ZCCHC14: variants seen among roughly 807,000 people sequenced by gnomAD.
ZCCHC14 encodes the protein zinc finger CCHC domain-containing protein 14.
ZCCHC14 carries 16 observed loss-of-function variants against 85.0 expected under a neutral mutation model. That is an observed-to-expected ratio of 0.19 (90% CI 0.13 to 0.29). The LOEUF (loss-of-function observed/expected upper bound fraction) is 0.29. Ranked by LOEUF, ZCCHC14 falls within the 10% of genes least tolerant of loss-of-function variation. The probability of loss-of-function intolerance (pLI) is 1.00; values close to 1 mark genes in which losing one functional copy is unlikely to be tolerated. For missense variants in ZCCHC14, 1,303 were observed against 1,443.5 expected (o/e 0.90, Z 1.58); for synonymous variants, 775 against 630.7 (o/e 1.23, Z -3.43).
chr16:87,450,032 G>A (rs1189214081), intron 2 of ZCCHC14, among the ~76,000 whole-genome samples: 1 of 152,216 alleles, frequency 6.6e-6, no homozygotes, highest in Non-Finnish European at 1.5e-5. Flanking sequence ...GGGCAACAGA[G>A]TAAGACCCTG....
intron 1 of ZCCHC14, among the ~76,000 whole-genome samples, chr16:87,480,616 G>A (rs191865032): frequency 2.6e-5 from 4 of 152,264 alleles, no homozygotes; most frequent in South Asian, 2.1e-4. Context: ...GTACTACGGC[G>A]GCTTTTCATC....
intron 3 of ZCCHC14, among the ~76,000 whole-genome samples, chr16:87,425,479 G>C (rs1909321414): frequency 6.6e-6 from 1 of 152,106 alleles, no homozygotes; most frequent in Admixed American, 6.5e-5. Flanking sequence ...GGGAGACTGA[G>C]GTGGGAGAAC....
At chr16:87,456,974 G>A (rs948237576) in intron 2 of ZCCHC14, among the ~76,000 whole-genome samples, 5 of 152,248 alleles carry the variant, frequency 3.3e-5, no homozygotes, top group South Asian at 4.1e-4. Flanking sequence ...TTTGTTGAGA[G>A]TATTAGTAAA....
At chr16:87,487,232 C>T (rs1016240089) in intron 1 of ZCCHC14, among the ~76,000 whole-genome samples, 2 of 152,142 alleles carry the variant, frequency 1.3e-5, no homozygotes, top group Non-Finnish European at 2.9e-5. Flanking sequence ...ACAGAACCTA[C>T]CCCTAAAGAA....
At position 87,406,763 on chromosome 16, in the gene ZCCHC14, T is replaced by C. The variant is rs923148155; in HGVS notation, c.*3517A>G. On this transcript the variant is annotated 3_prime_UTR_variant, in exon 13 of 13. Coordinates refer to ENST00000671377, the MANE Select transcript of ZCCHC14 (RefSeq NM_015144.3). The stretch of plus-strand genomic sequence containing the variant: ...GAATATTGCGAGTGTTGAGTGTTGA[T>C]TAAAGATGCTTTCATTCAGACCCTT... The C allele has an allele frequency of 2.0e-5, 3 of 152,222 alleles. No homozygotes were observed. Among genetic ancestry groups the C allele is most frequent in the African/African-American group, 7.2e-5 (3 of 41,456 alleles). The allele number at this position is 152,222 out of a possible 1,614,324, so 9.4% of individuals were successfully genotyped here. A position where few individuals can be genotyped will look rare whatever the true frequency, so the allele number is the denominator to read the frequency against.
chr16:87,468,675 A>G (rs1311209982), intron 1 of ZCCHC14, among the ~76,000 whole-genome samples: 2 of 152,188 alleles, frequency 1.3e-5, no homozygotes, highest in South Asian at 2.1e-4. Context: ...GTGGTTCTCA[A>G]CTGGGGGAAA....
At chr16:87,450,949 A>T (rs1910670089) in intron 2 of ZCCHC14, among the ~76,000 whole-genome samples, 1 of 152,028 alleles carries the variant, frequency 6.6e-6, no homozygotes. Context: ...CCCAAGCTGG[A>T]GCGTAATGGC....
At chr16:87,423,769 G>A in intron 4 of ZCCHC14, 41 bp downstream of exon 4, 1 of 1,603,006 alleles carries the variant, frequency 6.2e-7, no homozygotes, top group Non-Finnish European at 8.5e-7. Context: ...ACTGGGGAAT[G>A]TGATTCTTTT....
Position 87,406,405 on chromosome 16 carries a change from TTAAA to T in ZCCHC14, c.*3871_*3874del, listed in dbSNP as rs1349862834. 4 of 152,644 alleles carry T rather than the reference TTAAA, an allele frequency of 2.6e-5. No homozygotes were observed. The highest frequency in any genetic ancestry group is 2.1e-4 in the South Asian group (1 of 4,834). 9.5% of individuals were successfully genotyped at this position (152,644 alleles called of 1,614,324 possible). ...AATTCAAAATCAAATTAGCGGAATA[TTAAA>T]TATTTACAAAACTATATCTTTTAAA... On this transcript the variant is annotated 3_prime_UTR_variant, in exon 13 of 13. Transcript: ENST00000671377.
chr16:87,469,626 G>C (rs571929064), intron 1 of ZCCHC14, among the ~76,000 whole-genome samples: 2 of 152,340 alleles, frequency 1.3e-5, no homozygotes, highest in East Asian at 3.9e-4. Context: ...AAAAATGTTA[G>C]CATTCAAAAT....
rs1377901570 is a variant in ZCCHC14 at position 87,491,363 on chromosome 16, AG to A, written c.570+305del. 6.6e-6 allele frequency among the ~76,000 whole-genome samples: 1 copy of A among 151,864 alleles called. No homozygotes were observed. Among genetic ancestry groups the A allele is most frequent in the Non-Finnish European group, 1.5e-5 (1 of 67,954 alleles). ...GGGCTTAAAGTGCAGACTTAGGGTGAGGAGTGCGGGCTTAGGATGGGGGCTT... is the reference window on the plus strand; with the variant it reads ...GGGCTTAAAGTGCAGACTTAGGGTGAGAGTGCGGGCTTAGGATGGGGGCTT... On this transcript the variant is annotated intron_variant, in intron 1 of 12. Transcript: ENST00000671377. This position sits in a 1 kb window ranked among gnomAD's most constrained non-coding sequence, Gnocchi z 5.9.
chr16:87,413,148 C>T lies in ZCCHC14; in HGVS notation c.1651G>A (p.Gly551Ser), dbSNP rs1908571087. Residue 551 changes from glycine to serine, a missense_variant, in exon 11 of 13, where the codon GGC (glycine) becomes AGC (serine). Coordinates refer to ENST00000671377, the MANE Select transcript of ZCCHC14 (RefSeq NM_015144.3). Reference sequence around the variant, plus strand: ...GAGCTGGAGTACTCCGAGGAACTGCCTTCCCGGGGCAGCTGGTGATGGGGC... The same window carrying T: ...GAGCTGGAGTACTCCGAGGAACTGCTTTCCCGGGGCAGCTGGTGATGGGGC... Reference protein sequence around the residue: ...EQPHHQLPREGSSSEYSSSSS... With the variant: ...EQPHHQLPRESSSSEYSSSSS... 1.2e-6 allele frequency: 2 copies of T among 1,606,378 alleles called. No homozygotes were observed. Among genetic ancestry groups the T allele is most frequent in the South Asian group, 2.2e-5 (2 of 90,238 alleles).
intron 1 of ZCCHC14, among the ~76,000 whole-genome samples, chr16:87,476,823 C>T (rs986097892): frequency 2.0e-5 from 3 of 151,968 alleles, no homozygotes; most frequent in Non-Finnish European, 2.9e-5. Context: ...AGGCTTACTG[C>T]TTCTGTCAAA....
intron 3 of ZCCHC14, among the ~76,000 whole-genome samples, chr16:87,425,042 C>A (rs941938651): frequency 3.3e-5 from 5 of 152,154 alleles, no homozygotes; most frequent in African/African-American, 1.2e-4. Context: ...CAGTCTAGTC[C>A]CCGAGGTGTC....
intron 3 of ZCCHC14, among the ~76,000 whole-genome samples, chr16:87,432,220 C>T (rs1360576551): frequency 6.6e-6 from 1 of 152,078 alleles, no homozygotes; most frequent in African/African-American, 2.4e-5. Context: ...ACATGTGGTC[C>T]AAGGAGAATG....
intron 9 of ZCCHC14, 122 bp from the exon 10 acceptor site, chr16:87,414,663 G>A (rs775016187): frequency 3.0e-6 from 4 of 1,352,428 alleles, no homozygotes; most frequent in Non-Finnish European, 4.0e-6. Context: ...ACTTCGAGAT[G>A]GGTCTACTCC....
At chr16:87,424,303 G>A (rs534591063) in intron 3 of ZCCHC14, among the ~76,000 whole-genome samples, 11 of 152,272 alleles carry the variant, frequency 7.2e-5, no homozygotes, top group African/African-American at 2.4e-4. Context: ...CCCGTGGTGC[G>A]CCCGCCCAGG....
intron 1 of ZCCHC14, among the ~76,000 whole-genome samples, chr16:87,468,872 C>T (rs1488271859): frequency 2.0e-5 from 3 of 152,160 alleles, no homozygotes; most frequent in African/African-American, 7.2e-5. Context: ...AGAGGCCCTC[C>T]CTGATACAGT....
chr16:87,467,240 G>C, intron 1 of ZCCHC14: 1 of 1,563,762 alleles, frequency 6.4e-7, no homozygotes. Flanking sequence ...CAAGCCTCTC[G>C]TTTTACCGGA....
Sources: gnomAD v4.1 joint callset for allele counts (sites outside exome capture counted in the v4.1 genomes callset) on GRCh38, gnomAD v4.1.1 for gene constraint, Gnocchi (gnomAD v3.1) non-coding constraint, MANE v1.5 for transcripts, NCBI Gene and HGNC (gene_info 2026-07-23, HGNC 2026-07-21) for gene names.